The following CPLANE1 variants were observed in gnomAD, a reference collection of about 807,000 sequenced individuals.
CPLANE1 encodes the protein ciliogenesis and planar polarity effector 1.
CPLANE1 carries 263 observed loss-of-function variants against 362.5 expected under a neutral mutation model. That is an observed-to-expected ratio of 0.73 (90% CI 0.66 to 0.80). CPLANE1 has a LOEUF of 0.80. Ranked by LOEUF, CPLANE1 falls within the 30% of genes least tolerant of loss-of-function variation. CPLANE1 has a pLI of 0.00. For synonymous variants in CPLANE1, 1,212 were observed against 1,302.6 expected (o/e 0.93, Z 1.50); for missense variants, 3,461 against 3,793.4 (o/e 0.91, Z 2.30).
In CPLANE1 at chr5:37,121,629, G is replaced by A; in HGVS notation, c.9173C>T (p.Pro3058Leu). 6.2e-7 allele frequency: 1 copy of A among 1,614,096 alleles called. No homozygotes were observed. The highest frequency in any genetic ancestry group is 8.5e-7 in the Non-Finnish European group (1 of 1,179,966). Residue 3058 changes from proline to leucine, a missense_variant, in exon 49 of 53, where the codon CCT becomes CTT. Around this residue, in one of 2 missense-constraint regions of CPLANE1, gnomAD observed 3,380 missense variants for 3,666.1 expected, o/e 0.92. Coordinates refer to ENST00000651892, the MANE Select transcript of CPLANE1 (RefSeq NM_001384732.1). ...AACCTTGTCTTACCCTCTTGGAGAA[G>A]GGCAGTGTTGACAACTGGAAGACTG... is the stretch of plus-strand genomic sequence containing the variant. ...PTQSSSCQHC[P>L]SPRGENQHGH... is the part of the protein sequence containing the mutation.
At chr5:37,094,478 T>C in the CPLANE1 span, among the ~76,000 whole-genome samples, 14 of 152,114 alleles carry the variant, frequency 9.2e-5, no homozygotes, top group Admixed American at 9.2e-4. Flanking sequence ...CTACATCAGA[T>C]AGTCTGAAAG....
intron 38 of CPLANE1, 105 bp from the exon 39 acceptor site, chr5:37,158,450 G>T: frequency 8.9e-7 from 1 of 1,118,074 alleles, no homozygotes; most frequent in South Asian, 1.8e-5. Flanking sequence ...AACATAAATT[G>T]TACTTCTTGA....
chr5:37,099,804 T>A, the CPLANE1 span, among the ~76,000 whole-genome samples: 4 of 152,164 alleles, frequency 2.6e-5, no homozygotes, highest in South Asian at 8.3e-4. Flanking sequence ...CACCAGCACC[T>A]GTTGTTTCTT....
intron 41 of CPLANE1, 100 bp from the exon 42 acceptor site, chr5:37,154,093 C>T: frequency 2.0e-6 from 2 of 980,988 alleles, no homozygotes; most frequent in Admixed American, 5.7e-5. Context: ...ACCAACACAA[C>T]ACTACTTTCC....
rs1343049469 is a variant in CPLANE1, at chr5:37,183,046, A to G, written c.5135T>C (p.Ile1712Thr). 1 of 1,613,350 alleles carries G rather than the reference A, an allele frequency of 6.2e-7. No homozygotes were observed. Among genetic ancestry groups the G allele is most frequent in the Non-Finnish European group, 8.5e-7 (1 of 1,179,914 alleles). Residue 1712 changes from isoleucine (I) to threonine (T), a missense_variant, in exon 26 of 53, where the codon ATT (isoleucine) becomes ACT (threonine). Physicochemically the swap from Ile to Thr is moderately conservative, Grantham distance 89 (BLOSUM62 -1). Around this residue, in one of 2 missense-constraint regions of CPLANE1, gnomAD observed 3,380 missense variants for 3,666.1 expected, o/e 0.92. Coordinates refer to ENST00000651892, the MANE Select transcript of CPLANE1 (RefSeq NM_001384732.1). ...SNHIFWTPKS[I>T]KTRRCIFKAI... ...TTTGAAAATACATCTTCTAGTTTTA[A>G]TGGACTTGGGAGTCCAAAAAATGTG...
the CPLANE1 span, among the ~76,000 whole-genome samples, chr5:37,089,967 T>C: frequency 6.6e-6 from 1 of 152,178 alleles, no homozygotes; most frequent in Non-Finnish European, 1.5e-5. Context: ...AGCCAATACT[T>C]TTAAATTTAT....
intron 43 of CPLANE1, among the ~76,000 whole-genome samples, chr5:37,144,122 A>G (rs1156782054): frequency 6.6e-6 from 1 of 151,264 alleles, no homozygotes; most frequent in East Asian, 2.0e-4. Context: ...TAAATAAAAG[A>G]AATACGGTCA....
chr5:37,090,629 A>T, the CPLANE1 span, among the ~76,000 whole-genome samples: 10 of 152,302 alleles, frequency 6.6e-5, no homozygotes, highest in East Asian at 1.9e-3. Flanking sequence ...TAATGCTTTA[A>T]CACTGTTTAC....
intron 43 of CPLANE1, among the ~76,000 whole-genome samples, chr5:37,147,004 C>T (rs1007500807): frequency 6.6e-6 from 1 of 152,024 alleles, no homozygotes; most frequent in Non-Finnish European, 1.5e-5. Context: ...CACCTTATAG[C>T]CTTAAGATGA....
Position 37,227,404 on chromosome 5 carries a change from A to T in CPLANE1, c.1372-12T>A. On this transcript the variant is annotated splice_polypyrimidine_tract_variant and intron_variant, in intron 10 of 52. Coordinates refer to ENST00000651892, the MANE Select transcript of CPLANE1 (RefSeq NM_001384732.1). ...CCTTTGCCTTTTGGCTAAAGAAGAA[A>T]AGATGAAAGATTTCCAAGAGCAAAA... 2 of 1,515,876 alleles carry T rather than the reference A, an allele frequency of 1.3e-6. No homozygotes were observed. The highest frequency in any genetic ancestry group is 2.8e-5 in the African/African-American group (2 of 71,218). 93.9% of individuals were successfully genotyped at this position (1,515,876 alleles called of 1,614,324 possible).
At position 37,245,715 on chromosome 5, in the gene CPLANE1, C is replaced by T. The variant is rs756811653; in HGVS notation, c.212G>A (p.Ser71Asn). Residue 71 changes from serine (S) to asparagine (N), a missense_variant, in exon 3 of 53, where the codon AGT becomes AAT. By Grantham distance (46) the Ser-to-Asn change is conservative. Transcript: ENST00000651892. ...LKDVIVLTTS[S>N]NDAWLAGVLT... ...AAATATCAGTACTACTTAACCATTA[C>T]TGGATGTTGTTAGGACAATAACATC... 7 of 1,511,668 alleles carry T rather than the reference C, an allele frequency of 4.6e-6. No homozygotes were observed. The Admixed American group carries it at 1.2e-4, about 25-fold the overall frequency. The allele number at this position is 1,511,668 out of a possible 1,614,324, so 93.6% of individuals were successfully genotyped here. A position where few individuals can be genotyped will look rare whatever the true frequency, so the allele number is the denominator to read the frequency against.
At chr5:37,239,244 C>G (rs1179485367) in intron 7 of CPLANE1, among the ~76,000 whole-genome samples, 2 of 152,106 alleles carry the variant, frequency 1.3e-5, no homozygotes, top group African/African-American at 4.8e-5. Context: ...AAGAACTTTA[C>G]CAATCCACAA....
At chr5:37,080,586 C>CT in the CPLANE1 span, among the ~76,000 whole-genome samples, 3 of 152,142 alleles carry the variant, frequency 2.0e-5, no homozygotes, top group Non-Finnish European at 4.4e-5. Flanking sequence ...CCTGTGAGGT[C>CT]TTTGCCAAGG....
chr5:37,213,465 T>C, intron 16 of CPLANE1, 94 bp downstream of exon 16: 1 of 753,578 alleles, frequency 1.3e-6, no homozygotes, highest in Non-Finnish European at 2.0e-6. Context: ...GCTAGAACAG[T>C]ATCATTGAGT....
At chr5:37,169,792 T>A (rs527728449) in intron 33 of CPLANE1, among the ~76,000 whole-genome samples, 6 of 152,064 alleles carry the variant, frequency 3.9e-5, no homozygotes, top group Admixed American at 1.3e-4. Context: ...AGTGACATGA[T>A]CTCGGCTCAC....
chr5:37,093,353 C>T, the CPLANE1 span, among the ~76,000 whole-genome samples: 2 of 152,204 alleles, frequency 1.3e-5, no homozygotes, highest in African/African-American at 4.8e-5. Flanking sequence ...AGCAATTAAG[C>T]TGCAACTGGG....
chr5:37,079,123 G>T, the CPLANE1 span, among the ~76,000 whole-genome samples: 1 of 152,098 alleles, frequency 6.6e-6, no homozygotes, highest in Non-Finnish European at 1.5e-5. Context: ...TAAAATCTTT[G>T]CCTGTGCCTA....
chr5:37,212,995 G>A (rs1793050756), intron 16 of CPLANE1, among the ~76,000 whole-genome samples: 1 of 152,224 alleles, frequency 6.6e-6, no homozygotes, highest in African/African-American at 2.4e-5. Flanking sequence ...GATCACCTGA[G>A]GTCAGGAGTT....
chr5:37,123,634 T>C (rs1383250759), intron 47 of CPLANE1, among the ~76,000 whole-genome samples: 1 of 152,164 alleles, frequency 6.6e-6, no homozygotes, highest in Non-Finnish European at 1.5e-5. Context: ...AGTGATCTTC[T>C]TACCTTGAGT....
Sources: allele counts gnomAD v4.1 joint callset (sites outside exome capture counted in the v4.1 genomes callset), GRCh38; gene constraint gnomAD v4.1.1; regional missense constraint gnomAD v4.1.1; transcripts MANE v1.5; gene names NCBI Gene and HGNC (gene_info 2026-07-23, HGNC 2026-07-21).